The following SFPQ variants were observed in gnomAD, a reference collection of about 807,000 sequenced individuals.
The protein encoded by SFPQ is splicing factor proline and glutamine rich.
A neutral mutation model predicts 72.9 loss-of-function variants in SFPQ; 11 were observed. That is an observed-to-expected ratio of 0.15 (90% CI 0.09 to 0.25). The LOEUF is 0.25. Ranked by LOEUF, SFPQ falls within the 10% of genes least tolerant of loss-of-function variation. SFPQ has a pLI of 1.00. For missense variants in SFPQ, 847 were observed against 993.3 expected (o/e 0.85, Z 1.98); for synonymous variants, 506 against 367.3 (o/e 1.38, Z -4.32).
chr1:35,180,011 C>G (rs1639401217), downstream of SFPQ: 1 of 1,050,574 alleles, frequency 9.5e-7, no homozygotes. Context: ...TTTCATCTAT[C>G]AGTAGAGTCC....
rs72908973 is a variant in SFPQ, at chr1:35,186,831, T to C, written c.1986+170A>G. Reference sequence around the variant, plus strand: ...TTTAGGTTACCACACACCGAGTTCTTCTATGTTGCCAAAGTATTCCTCAAT... The same window carrying C: ...TTTAGGTTACCACACACCGAGTTCTCCTATGTTGCCAAAGTATTCCTCAAT... On this transcript the variant is annotated intron_variant, in intron 9 of 9. Coordinates refer to ENST00000357214, the MANE Select transcript of SFPQ (RefSeq NM_005066.3). Among the ~76,000 whole-genome samples the C allele has an allele frequency of 3.7e-3, 565 of 152,334 alleles. 5 individuals carry two copies. The highest frequency in any genetic ancestry group is 0.018 in the South Asian group (89 of 4,828).
At position 35,184,169 on chromosome 1, in the gene SFPQ, G is replaced by T; in HGVS notation, c.*287C>A. On this transcript the variant is annotated 3_prime_UTR_variant, in exon 10 of 10. Transcript: ENST00000357214. ...GAAGCACAGTAAAAAAAAAAAAATT[G>T]GTACACTTTGGAAATTCAGTGGCAC... 3 of 1,153,258 alleles carry T rather than the reference G, an allele frequency of 2.6e-6. No homozygotes were observed. Among genetic ancestry groups the T allele is most frequent in the Non-Finnish European group, 3.2e-6 (3 of 937,662 alleles). 71.4% of individuals were successfully genotyped at this position (1,153,258 alleles called of 1,614,324 possible).
chr1:35,190,019 G>A (rs554511788), intron 4 of SFPQ, among the ~76,000 whole-genome samples: 2 of 152,122 alleles, frequency 1.3e-5, no homozygotes, highest in South Asian at 4.1e-4. Flanking sequence ...CCAGCACTTT[G>A]AGAGGCCGAG....
chr1:35,187,297 G>A, intron 7 of SFPQ, 46 bp from the exon 8 acceptor site: 3 of 1,554,296 alleles, frequency 1.9e-6, no homozygotes, highest in Non-Finnish European at 2.7e-6. Context: ...TATACCCACA[G>A]CAAGCATTCT....
intron 6 of SFPQ, among the ~76,000 whole-genome samples, chr1:35,188,592 TGA>T (rs1294951693): frequency 6.6e-6 from 1 of 152,016 alleles, no homozygotes; most frequent in Non-Finnish European, 1.5e-5. Context: ...CTGCTAGAGC[TGA>T]GGAGTTTGAG....
chr1:35,187,966 G>A lies in SFPQ; in HGVS notation c.1815+7C>T. 1.3e-6 allele frequency: 2 copies of A among 1,591,662 alleles called. No homozygotes were observed. The highest frequency in any genetic ancestry group is 2.2e-5 in the South Asian group (2 of 90,608). On this transcript the variant is annotated splice_region_variant and intron_variant, in intron 7 of 9. Coordinates refer to ENST00000357214, the MANE Select transcript of SFPQ (RefSeq NM_005066.3). ...CTCCAATTGGAAGGCAGTAAAGGCT[G>A]ACTTACTGGATCCATGTAGCCCATT...
downstream of SFPQ, chr1:35,179,853 C>T (rs1639394037): frequency 2.8e-6 from 3 of 1,054,006 alleles, no homozygotes; most frequent in Admixed American, 1.1e-4. Flanking sequence ...GCAGCAAGCA[C>T]TGGCCACCGA....
At chr1:35,181,522 A>G, downstream of SFPQ, 1 of 1,063,290 alleles carries the variant, frequency 9.4e-7, no homozygotes, top group Non-Finnish European at 1.1e-6. Context: ...CTAAGCAAAG[A>G]GGATTATGGT....
downstream of SFPQ, chr1:35,179,500 T>C: frequency 9.5e-7 from 1 of 1,055,614 alleles, no homozygotes; most frequent in South Asian, 4.6e-5. Flanking sequence ...GTAACAAAAT[T>C]ATGAAATACA....
chr1:35,179,256 C>A (rs552966846), downstream of SFPQ: 9 of 1,061,108 alleles, frequency 8.5e-6, no homozygotes, highest in African/African-American at 1.5e-4. Context: ...AGACATGCAA[C>A]CCCCATTAAG....
At position 35,192,252 on chromosome 1, in the gene SFPQ, G is replaced by C. The variant is rs1557815182; in HGVS notation, c.798C>G (p.Gly266=). 9 of 1,463,024 alleles carry C rather than the reference G, an allele frequency of 6.2e-6. No homozygotes were observed. The highest frequency in any genetic ancestry group is 8.1e-6 in the Non-Finnish European group (9 of 1,114,974). 90.6% of individuals were successfully genotyped at this position (1,463,024 alleles called of 1,614,324 possible). A position where few individuals can be genotyped will look rare whatever the true frequency, so the allele number is the denominator to read the frequency against. Residue 266 remains glycine, a synonymous_variant, in exon 1 of 10, where the codon GGC becomes GGG. Transcript: ENST00000357214. ...AGTCCGAGATCTTCTCCTCGCTGCG[G>C]CCGCCGGGCCCGCCGGGCGGGGGCC... The part of the protein sequence containing the change: ...HQGPPPGGPG[G]RSEEKISDSE...
At chr1:35,177,960 A>AGG, downstream of SFPQ, 1 of 1,114,310 alleles carries the variant, frequency 9.0e-7, no homozygotes, top group South Asian at 1.6e-5. Context: ...AAAAGCCTGT[A>AGG]GGGGTTAAGA....
chr1:35,191,199 G>A (rs1024476166), intron 2 of SFPQ, 142 bp downstream of exon 2: 25 of 836,130 alleles, frequency 3.0e-5, no homozygotes, highest in Admixed American at 5.6e-5. Context: ...TATACCGCAA[G>A]CATTTTTCCT....
At chr1:35,181,815 G>A, downstream of SFPQ, 1 of 984,554 alleles carries the variant, frequency 1.0e-6, no homozygotes, top group African/African-American at 1.7e-5. Flanking sequence ...TTCACATTAG[G>A]CTAAAAACTA....
intron 9 of SFPQ, among the ~76,000 whole-genome samples, chr1:35,185,650 C>A (rs1318622137): frequency 6.6e-6 from 1 of 152,142 alleles, no homozygotes; most frequent in Admixed American, 6.6e-5. Flanking sequence ...ACTAAAAGGG[C>A]ATCAGGGTTT....
At chr1:35,180,593 G>C (rs1461105311), downstream of SFPQ, 1 of 1,048,870 alleles carries the variant, frequency 9.5e-7, no homozygotes, top group East Asian at 5.5e-5. Context: ...TAGTAACAAT[G>C]GTGTTTTCAT....
chr1:35,191,444 G>A lies in SFPQ; in HGVS notation c.914C>T (p.Pro305Leu), dbSNP rs1402906400. 6.2e-7 allele frequency: 1 copy of A among 1,614,058 alleles called. No individual in the cohort carries two copies. Among genetic ancestry groups the A allele is most frequent in the Admixed American group, 1.7e-5 (1 of 60,024 alleles). The change falls in exon 2 of 10, where the codon CCT (proline) becomes CTT (leucine). Residue 305 changes from proline to leucine, a missense_variant. Around this residue, in one of 6 missense-constraint regions of SFPQ, gnomAD observed 35 missense variants for 52.9 expected, o/e 0.66. Transcript: ENST00000357214. ...GAATTCATCCTCCGTGATATCAGCA[G>A]GTAGATTCCCAACAAACAACCGACA... ...QRCRLFVGNL[P>L]ADITEDEFKR...
intron 4 of SFPQ, chr1:35,177,920 T>C (rs1383737099): frequency 2.2e-5 from 15 of 666,840 alleles, no homozygotes; most frequent in Non-Finnish European, 3.0e-5. Flanking sequence ...TCACTCCACA[T>C]ATCTAAATGA....
chr1:35,187,327 A>G, intron 7 of SFPQ, 76 bp from the exon 8 acceptor site: 2 of 1,315,878 alleles, frequency 1.5e-6, no homozygotes, highest in Non-Finnish European at 2.2e-6. Flanking sequence ...AGAAATTTTC[A>G]AGAGTTAAAT....
Sources: allele counts gnomAD v4.1 joint callset (sites outside exome capture counted in the v4.1 genomes callset), GRCh38; gene constraint gnomAD v4.1.1; regional missense constraint gnomAD v4.1.1; transcripts MANE v1.5; gene names NCBI Gene and HGNC (gene_info 2026-07-23, HGNC 2026-07-21).